Variants in LZIC observed in about 807,000 individuals in gnomAD.
LZIC encodes leucine zipper and CTNNBIP1 domain containing.
Under a neutral mutation model 25.4 loss-of-function variants are expected in LZIC, and 28 were observed. The ratio of observed to expected loss-of-function variants is 1.10; its 90% CI spans 0.82 to 1.51. The LOEUF (loss-of-function observed/expected upper bound fraction) is 1.51. Ranked by LOEUF, LZIC falls within the 40% of genes most tolerant of loss-of-function variation. LZIC has a pLI of 0.00. For missense variants in LZIC, 170 were observed against 211.1 expected (o/e 0.81, Z 1.21); for synonymous variants, 65 against 70.7 (o/e 0.92, Z 0.40).
At chr1:9,935,072 G>C (rs1431952258) in intron 4 of LZIC, among the ~76,000 whole-genome samples, 2 of 151,932 alleles carry the variant, frequency 1.3e-5, no homozygotes, top group Admixed American at 1.3e-4. Context: ...AAGGCAGGAG[G>C]ATTGCTTGAG....
intron 3 of LZIC, 76 bp downstream of exon 3, chr1:9,936,443 A>C: frequency 1.1e-6 from 1 of 878,616 alleles, no homozygotes. Flanking sequence ...ATCATCACAC[A>C]TGGGCCTGCA....
At chr1:9,932,722 C>T in intron 6 of LZIC, 81 bp downstream of exon 6, 2 of 687,342 alleles carry the variant, frequency 2.9e-6, no homozygotes, top group East Asian at 3.1e-5. Context: ...CTTAGTACCA[C>T]AAACTAGACC....
chr1:9,931,057 A>G (rs1640191147), intron 7 of LZIC, among the ~76,000 whole-genome samples: 1 of 151,430 alleles, frequency 6.6e-6, no homozygotes, highest in Non-Finnish European at 1.5e-5. Flanking sequence ...AAAAAAAAAA[A>G]TAAAGAAAGA....
downstream of LZIC, among the ~76,000 whole-genome samples, chr1:9,925,346 T>C (rs1639956372): frequency 6.6e-6 from 1 of 151,978 alleles, no homozygotes. Flanking sequence ...AAAAAACCCT[T>C]ACCAGCATTA....
chr1:9,942,029 G>A (rs1640772287), intron 2 of LZIC, among the ~76,000 whole-genome samples: 2 of 152,090 alleles, frequency 1.3e-5, no homozygotes, highest in South Asian at 2.1e-4. Flanking sequence ...CAATTCTCCT[G>A]CCTCAGCCTC....
At chr1:9,937,266 G>T (rs945784512) in intron 2 of LZIC, among the ~76,000 whole-genome samples, 1 of 152,112 alleles carries the variant, frequency 6.6e-6, no homozygotes, top group South Asian at 2.1e-4. Context: ...GGTGGCAGGC[G>T]CCTGTAGTCC....
At chr1:9,931,393 G>A (rs1402050325) in intron 7 of LZIC, among the ~76,000 whole-genome samples, 1 of 152,154 alleles carries the variant, frequency 6.6e-6, no homozygotes, top group Non-Finnish European at 1.5e-5. Context: ...CTCCCAAGTA[G>A]CTGGGACTAC....
rs559707261 is a variant in LZIC at position 9,931,241 on chromosome 1, T to C, written c.514+650A>G. On this transcript the variant is annotated intron_variant, in intron 7 of 7. Transcript: ENST00000377223. ...GCCACCACACCTAGCTAATTTTTTT[T>C]CTTTTTAATTTTGTTTATTTATTCA... Among the ~76,000 whole-genome samples, 3 of 152,014 alleles carry C rather than the reference T, an allele frequency of 2.0e-5. No individual in the cohort carries two copies. In the East Asian group the frequency reaches 5.8e-4, roughly 29 times the overall value.
chr1:9,939,475 G>T (rs1332223071), intron 2 of LZIC, among the ~76,000 whole-genome samples: 2 of 147,228 alleles, frequency 1.4e-5, no homozygotes, highest in African/African-American at 5.0e-5. Flanking sequence ...CCACATCCTG[G>T]GCTCAAGTGA....
chr1:9,934,227 CA>C (rs5772390), intron 5 of LZIC, among the ~76,000 whole-genome samples: 2,634 of 119,250 alleles, frequency 0.022, 61 homozygotes, highest in African/African-American at 0.068. Flanking sequence ...GACCCCATCT[CA>C]AAAAAAAAAA....
chr1:9,932,035 G>A (rs1640235606), intron 6 of LZIC, 63 bp from the exon 7 acceptor site: 5 of 1,186,532 alleles, frequency 4.2e-6, no homozygotes, highest in Non-Finnish European at 5.8e-6. Flanking sequence ...CTAGAAACCA[G>A]GTAAGAATGT....
intron 2 of LZIC, among the ~76,000 whole-genome samples, chr1:9,937,394 A>G (rs1338611961): frequency 6.8e-6 from 1 of 147,158 alleles, no homozygotes; most frequent in African/African-American, 2.5e-5. Flanking sequence ...CTCAGGCTCA[A>G]AAAAAAAAAA....
chr1:9,928,150 A>G lies in LZIC; in HGVS notation c.*2249T>C, dbSNP rs924427785. On this transcript the variant is annotated 3_prime_UTR_variant, in exon 8 of 8. Transcript: ENST00000377223. Reference sequence around the variant, plus strand: ...ACCAACATGGAGAAACCCCATCTCTACTAAAAACACAAAATTAGCCAGGTG... The same window carrying G: ...ACCAACATGGAGAAACCCCATCTCTGCTAAAAACACAAAATTAGCCAGGTG... 6.6e-6 allele frequency among the ~76,000 whole-genome samples: 1 copy of G among 152,050 alleles called. No individual in the cohort carries two copies. Among genetic ancestry groups the G allele is most frequent in the African/African-American group, 2.4e-5 (1 of 41,430 alleles).
Position 9,929,490 on chromosome 1 carries a change from C to G in LZIC, c.*909G>C, listed in dbSNP as rs1640122426. Reference sequence around the variant, plus strand: ...AACTTATTTTGTGTTTCTCCAAAACCTGAAGAGTAGATAACAGCTGACAGT... The same window carrying G: ...AACTTATTTTGTGTTTCTCCAAAACGTGAAGAGTAGATAACAGCTGACAGT... On this transcript the variant is annotated 3_prime_UTR_variant, in exon 8 of 8. Transcript: ENST00000377223. 4 of 985,154 alleles carry G rather than the reference C, an allele frequency of 4.1e-6. No individual in the cohort carries two copies. The Admixed American group carries it at 2.5e-4, about 61-fold the overall frequency. The allele number at this position is 985,154 out of a possible 1,614,324, so 61.0% of individuals were successfully genotyped here. A position where few individuals can be genotyped will look rare whatever the true frequency, so the allele number is the denominator to read the frequency against.
chr1:9,940,351 T>C (rs1249451450), intron 2 of LZIC, among the ~76,000 whole-genome samples: 1 of 152,050 alleles, frequency 6.6e-6, no homozygotes, highest in East Asian at 1.9e-4. Flanking sequence ...TTATTTTTTT[T>C]GTATTTTTTA....
chr1:9,933,795 T>C (rs1640338138), intron 5 of LZIC, among the ~76,000 whole-genome samples: 4 of 151,668 alleles, frequency 2.6e-5, no homozygotes, highest in Admixed American at 2.0e-4. Flanking sequence ...TGGGCCCAGA[T>C]ACTTGAGGGG....
Position 9,929,695 on chromosome 1 carries a change from C to T in LZIC, c.*704G>A, listed in dbSNP as rs549392591. On this transcript the variant is annotated 3_prime_UTR_variant, in exon 8 of 8. Coordinates refer to ENST00000377223, the MANE Select transcript of LZIC (RefSeq NM_032368.5). ...CAACGGGCCCCATTAATACAGACAG[C>T]TTACAGGCTGGGGGATGGTCCCTTA... 2.0e-6 allele frequency: 2 copies of T among 985,392 alleles called. No individual in the cohort carries two copies. Among genetic ancestry groups the T allele is most frequent in the African/African-American group, 1.7e-5 (1 of 57,348 alleles). The allele number at this position is 985,392 out of a possible 1,614,324, so 61.0% of individuals were successfully genotyped here.
In LZIC at chr1:9,927,678, CTTTTTT is replaced by C. The variant is rs551706607; in HGVS notation, c.*2715_*2720del. ...AGGGTAAGGGAAGAATCTTCTTCCT[CTTTTTT>C]TTTTTTTTTTTTTTTTTGAGACCGT... On this transcript the variant is annotated 3_prime_UTR_variant, in exon 8 of 8. Transcript: ENST00000377223. Among the ~76,000 whole-genome samples the C allele has an allele frequency of 7.0e-4, 75 of 106,652 alleles. No homozygotes were observed. In the South Asian group the frequency reaches 0.01, roughly 15 times the overall value. The allele number at this position is 106,652 out of a possible 152,430, so 70.0% of individuals were successfully genotyped here.
chr1:9,931,022 A>G (rs1640189144), intron 7 of LZIC, among the ~76,000 whole-genome samples: 1 of 151,462 alleles, frequency 6.6e-6, no homozygotes, highest in Non-Finnish European at 1.5e-5. Flanking sequence ...CCTGGCCATA[A>G]AATTTATTTT....
Sources: allele counts gnomAD v4.1 joint callset (sites outside exome capture counted in the v4.1 genomes callset), GRCh38; gene constraint gnomAD v4.1.1; transcripts MANE v1.5; gene names NCBI Gene and HGNC (gene_info 2026-07-23, HGNC 2026-07-21).